Variants in SCIMP observed in about 807,000 individuals in gnomAD.
SCIMP encodes the protein SLP adapter and CSK-interacting membrane protein.
SCIMP carries 18 observed loss-of-function variants against 22.0 expected under a neutral mutation model. The observed-to-expected ratio is 0.82, with a 90% CI of 0.56 to 1.21. The LOEUF (loss-of-function observed/expected upper bound fraction) is 1.21. Among genes scored for constraint, SCIMP ranks in the 50% most tolerant of loss-of-function variants. SCIMP has a pLI of 0.00. For missense variants in SCIMP, 155 were observed against 171.2 expected (o/e 0.91, Z 0.53); for synonymous variants, 53 against 62.2 (o/e 0.85, Z 0.70).
At chr17:5,214,101 T>A in intron 4 of SCIMP, 1 of 152,388 alleles carries the variant, frequency 6.6e-6, no homozygotes, top group East Asian at 1.9e-4. Flanking sequence ...AGAAGGCAGC[T>A]GTCTGCAAGC....
intron 4 of SCIMP, 134 bp from the exon 5 acceptor site, chr17:5,211,089 G>C: frequency 7.2e-7 from 1 of 1,386,422 alleles, no homozygotes; most frequent in Non-Finnish European, 9.5e-7. Flanking sequence ...ATTTTACAGA[G>C]GAAATTTAGA....
chr17:5,222,846 G>A (rs1446944593), intron 2 of SCIMP, among the ~76,000 whole-genome samples: 2 of 152,114 alleles, frequency 1.3e-5, no homozygotes, highest in South Asian at 2.1e-4. Context: ...TGTATTTTTA[G>A]TAGAGACGGG....
Position 5,223,468 on chromosome 17 carries a change from G to A in SCIMP, c.22-12C>T. ...ATTGCAGTGGAATCCTGAGAAGAATGGAGAGAGAAGAATGAGGTATGAATG... is the reference window on the plus strand; with the variant it reads ...ATTGCAGTGGAATCCTGAGAAGAATAGAGAGAGAAGAATGAGGTATGAATG... On this transcript the variant is annotated splice_polypyrimidine_tract_variant and intron_variant, in intron 1 of 4. Coordinates refer to ENST00000574081, the MANE Select transcript of SCIMP (RefSeq NM_207103.3). 6.2e-7 allele frequency: 1 copy of A among 1,613,280 alleles called. No individual in the cohort carries two copies. The highest frequency in any genetic ancestry group is 8.5e-7 in the Non-Finnish European group (1 of 1,179,312).
At chr17:5,225,780 C>A (rs2144335178) in intron 1 of SCIMP, among the ~76,000 whole-genome samples, 1 of 149,930 alleles carries the variant, frequency 6.7e-6, no homozygotes, top group Non-Finnish European at 1.5e-5. Context: ...AAAAAAAACA[C>A]CGATCTCAAA....
intron 1 of SCIMP, among the ~76,000 whole-genome samples, chr17:5,231,398 G>T (rs769365782): frequency 6.6e-6 from 1 of 151,690 alleles, no homozygotes; most frequent in Non-Finnish European, 1.5e-5. Context: ...TTGTTTTTCA[G>T]GAACTTGGGG....
At chr17:5,230,476 G>T (rs954128415) in intron 1 of SCIMP, among the ~76,000 whole-genome samples, 1 of 152,192 alleles carries the variant, frequency 6.6e-6, no homozygotes, top group Non-Finnish European at 1.5e-5. Context: ...GGAGTTCTGG[G>T]AGGGAAGGTG....
intron 1 of SCIMP, among the ~76,000 whole-genome samples, chr17:5,228,832 A>C (rs2074672045): frequency 6.6e-6 from 1 of 152,176 alleles, no homozygotes; most frequent in Admixed American, 6.5e-5. Flanking sequence ...CGCCTAGAAC[A>C]TCACCTGGGG....
At chr17:5,213,002 G>T in intron 4 of SCIMP, 2 of 161,378 alleles carry the variant, frequency 1.2e-5, no homozygotes, top group Non-Finnish European at 1.7e-5. Context: ...TGGACAGAGA[G>T]GGCCTCTTTG....
At position 5,234,852 on chromosome 17, in the gene SCIMP, A is replaced by G. The variant is rs563601576; in HGVS notation, c.-97T>C. 1.9e-6 allele frequency: 3 copies of G among 1,551,134 alleles called. No individual in the cohort carries two copies. The highest frequency in any genetic ancestry group is 2.4e-5 in the East Asian group (1 of 41,768). On this transcript the variant is annotated 5_prime_UTR_variant, in exon 1 of 5. Transcript: ENST00000574081. ...CACTCACAGGCCTTCACCCACTGCT[A>G]GAGACAGTGAGCCCCATCCTGACCA...
chr17:5,232,843 G>A (rs2074713375), intron 1 of SCIMP, among the ~76,000 whole-genome samples: 1 of 152,028 alleles, frequency 6.6e-6, no homozygotes, highest in Admixed American at 6.6e-5. Flanking sequence ...CTGAGTAGCT[G>A]GGATTACCGA....
At chr17:5,215,120 A>G (rs1329436797) in intron 3 of SCIMP, 122 bp from the exon 4 acceptor site, 1 of 669,416 alleles carries the variant, frequency 1.5e-6, no homozygotes, top group Non-Finnish European at 2.7e-6. Context: ...GTCTCTACTA[A>G]TTGGAAGCAT....
chr17:5,224,359 G>A (rs976180953), intron 1 of SCIMP, among the ~76,000 whole-genome samples: 6 of 151,910 alleles, frequency 3.9e-5, no homozygotes, highest in East Asian at 1.9e-4. Context: ...GGATAGTCTC[G>A]ATCTCCTGAC....
intron 3 of SCIMP, among the ~76,000 whole-genome samples, chr17:5,218,363 C>CT (rs2074581165): frequency 6.8e-6 from 1 of 148,070 alleles, no homozygotes; most frequent in African/African-American, 2.5e-5. Context: ...TTTTTTGAGA[C>CT]TGAGTTTCAC....
Position 5,232,378 on chromosome 17 carries a change from A to G in SCIMP, c.21+2357T>C, listed in dbSNP as rs62072837. On this transcript the variant is annotated intron_variant, in intron 1 of 4. Transcript: ENST00000574081. ...AACAGTGCAGTGTAAACAGTGCAGT[A>G]TAAACAGTGCAGTATAAACAGTATA... Among the ~76,000 whole-genome samples the G allele has an allele frequency of 3.8e-3, 530 of 138,602 alleles. 20 individuals are homozygous for G. Among genetic ancestry groups the G allele is most frequent in the East Asian group, 0.023 (87 of 3,842 alleles). The allele number at this position is 138,602 out of a possible 152,430, so 90.9% of individuals were successfully genotyped here.
At chr17:5,233,005 C>G (rs545477085) in intron 1 of SCIMP, among the ~76,000 whole-genome samples, 6 of 152,228 alleles carry the variant, frequency 3.9e-5, no homozygotes, top group African/African-American at 1.4e-4. Flanking sequence ...AGCCACTGAG[C>G]CTCGCTCCAC....
At chr17:5,212,696 T>C (rs906698297) in intron 4 of SCIMP, among the ~76,000 whole-genome samples, 1 of 152,224 alleles carries the variant, frequency 6.6e-6, no homozygotes, top group Non-Finnish European at 1.5e-5. Flanking sequence ...AATGAGCTAA[T>C]ACCTGTAAAG....
At chr17:5,234,702 G>C (rs1203381033) in intron 1 of SCIMP, 33 bp downstream of exon 1, 32 of 1,609,510 alleles carry the variant, frequency 2.0e-5, no homozygotes, top group Admixed American at 3.4e-5. Flanking sequence ...GAAGAGAGCA[G>C]GAAACTGTCC....
In SCIMP at chr17:5,228,420, G is replaced by A. The variant is rs116275976; in HGVS notation, c.22-4964C>T. 1.5e-3 allele frequency among the ~76,000 whole-genome samples: 235 copies of A among 151,914 alleles called. 1 individual carries two copies. Among genetic ancestry groups the A allele is most frequent in the African/African-American group, 5.5e-3 (229 of 41,404 alleles). On this transcript the variant is annotated intron_variant, in intron 1 of 4. Coordinates refer to ENST00000574081, the MANE Select transcript of SCIMP (RefSeq NM_207103.3). ...ACAGTTTTGGAGGCTGAGGCAGGAGGATCACTGAAGGCCAGGAGTTAGCAA... is the reference window on the plus strand; with the variant it reads ...ACAGTTTTGGAGGCTGAGGCAGGAGAATCACTGAAGGCCAGGAGTTAGCAA...
At chr17:5,211,046 G>C in intron 4 of SCIMP, 91 bp from the exon 5 acceptor site, 2 of 1,511,034 alleles carry the variant, frequency 1.3e-6, no homozygotes, top group Non-Finnish European at 8.8e-7. Context: ...TCACGTTTCA[G>C]TGATCTTCCC....
Sources: allele counts gnomAD v4.1 joint callset (sites outside exome capture counted in the v4.1 genomes callset), GRCh38; gene constraint gnomAD v4.1.1; transcripts MANE v1.5; gene names NCBI Gene and HGNC (gene_info 2026-07-23, HGNC 2026-07-21).